The following TDRP variants were observed in gnomAD, a reference collection of about 807,000 sequenced individuals.
TDRP encodes the protein testis development related protein.
TDRP carries 12 observed loss-of-function variants against 10.5 expected under a neutral mutation model. That is an observed-to-expected ratio of 1.15 (90% CI 0.73 to 1.86). TDRP has a LOEUF of 1.86. Ranked by LOEUF, TDRP falls within the 40% of genes most tolerant of loss-of-function variation. TDRP has a pLI of 0.00. For missense variants in TDRP, 353 were observed against 229.2 expected (o/e 1.54, Z -3.49); for synonymous variants, 139 against 95.4 (o/e 1.46, Z -2.67).
At chr8:501,617 G>T (rs1366220288) in intron 1 of TDRP, among the ~76,000 whole-genome samples, 1 of 152,192 alleles carries the variant, frequency 6.6e-6, no homozygotes, top group African/African-American at 2.4e-5. Context: ...AAAGTGCTGG[G>T]ATTACAGGCG....
intron 1 of TDRP, among the ~76,000 whole-genome samples, chr8:520,556 T>C (rs74647280): frequency 0.022 from 3,313 of 152,310 alleles, 64 homozygotes; most frequent in Middle Eastern, 0.044. Context: ...TGTTACAAGA[T>C]TGCCAACAGT....
At chr8:498,321 G>A (rs544839090) in intron 1 of TDRP, among the ~76,000 whole-genome samples, 1 of 152,184 alleles carries the variant, frequency 6.6e-6, no homozygotes, top group Non-Finnish European at 1.5e-5. Context: ...CCCACCCCTT[G>A]CATCAGCATG....
intron 1 of TDRP, among the ~76,000 whole-genome samples, chr8:513,671 G>T (rs531802430): frequency 2.6e-5 from 4 of 152,136 alleles, no homozygotes; most frequent in African/African-American, 9.7e-5. Flanking sequence ...GACAAGAAAA[G>T]TAAAATGCAT....
intron 1 of TDRP, among the ~76,000 whole-genome samples, chr8:506,507 G>C (rs75914311): frequency 1.8e-3 from 277 of 152,292 alleles, no homozygotes; most frequent in African/African-American, 6.5e-3. Flanking sequence ...GGACTCCCTT[G>C]TTCCAGCCCC....
At chr8:494,430 C>A in intron 2 of TDRP, 64 bp downstream of exon 2, 1 of 1,512,558 alleles carries the variant, frequency 6.6e-7, no homozygotes, top group Non-Finnish European at 9.1e-7. Flanking sequence ...ATCTTCATTT[C>A]CACCTCCTCA....
Position 492,372 on chromosome 8 carries a change from CG to C in TDRP, c.*26del. The stretch of plus-strand genomic sequence containing the variant: ...GTATACTCATAAAAGGCCACCATGT[CG>C]GGGCACACTTGCCACGCAGCCCCCC... On this transcript the variant is annotated 3_prime_UTR_variant, in exon 3 of 3. Transcript: ENST00000324079. The C allele has an allele frequency of 6.8e-7, 1 of 1,474,546 alleles. No homozygotes were observed. The highest frequency in any genetic ancestry group is 9.0e-7 in the Non-Finnish European group (1 of 1,110,816). The allele number at this position is 1,474,546 out of a possible 1,614,324, so 91.3% of individuals were successfully genotyped here.
At chr8:536,395 G>T (rs1563132994) in intron 1 of TDRP, among the ~76,000 whole-genome samples, 1 of 152,194 alleles carries the variant, frequency 6.6e-6, no homozygotes, top group Non-Finnish European at 1.5e-5. Context: ...TAGTCAAACT[G>T]AGTTTTTAAT....
chr8:492,193 G>A lies in TDRP; in HGVS notation c.*206C>T. The A allele has an allele frequency of 7.9e-7, 1 of 1,263,778 alleles. No individual in the cohort carries two copies. The highest frequency in any genetic ancestry group is 9.9e-7 in the Non-Finnish European group (1 of 1,007,788). 78.3% of individuals were successfully genotyped at this position (1,263,778 alleles called of 1,614,324 possible). A position where few individuals can be genotyped will look rare whatever the true frequency, so the allele number is the denominator to read the frequency against. On this transcript the variant is annotated 3_prime_UTR_variant, in exon 3 of 3. Transcript: ENST00000324079. ...GATAGGTGAATATTTCTGCAATAAGGCAATCAAATGTACAATCCCTGCACG... is the reference window on the plus strand; with the variant it reads ...GATAGGTGAATATTTCTGCAATAAGACAATCAAATGTACAATCCCTGCACG...
intron 1 of TDRP, among the ~76,000 whole-genome samples, chr8:543,685 G>T (rs940278606): frequency 1.3e-5 from 2 of 151,908 alleles, no homozygotes; most frequent in Admixed American, 6.6e-5. Flanking sequence ...GGAATTTAAC[G>T]TTCATAGAAA....
intron 1 of TDRP, among the ~76,000 whole-genome samples, chr8:507,373 G>T (rs983565468): frequency 1.3e-5 from 2 of 152,170 alleles, no homozygotes; most frequent in Non-Finnish European, 2.9e-5. Flanking sequence ...ACAGCTGGAA[G>T]GATCCTTCTT....
At chr8:514,847 A>G (rs567200390) in intron 1 of TDRP, among the ~76,000 whole-genome samples, 1 of 152,138 alleles carries the variant, frequency 6.6e-6, no homozygotes, top group Non-Finnish European at 1.5e-5. Context: ...TGGTCCTCCA[A>G]GGAATGGCAC....
chr8:539,989 T>C (rs1802450380), intron 1 of TDRP, among the ~76,000 whole-genome samples: 1 of 152,212 alleles, frequency 6.6e-6, no homozygotes, highest in African/African-American at 2.4e-5. Flanking sequence ...ATGTCAAAAA[T>C]TCTGAGTTTT....
intron 1 of TDRP, among the ~76,000 whole-genome samples, chr8:498,295 C>T (rs10110988): frequency 0.16 from 24,949 of 152,196 alleles, 2,192 homozygotes; most frequent in East Asian, 0.26. Context: ...TGTGGAGATG[C>T]CCAATGCGTT....
chr8:514,611 GC>G (rs1257567208), intron 1 of TDRP, among the ~76,000 whole-genome samples: 2 of 152,096 alleles, frequency 1.3e-5, no homozygotes, highest in African/African-American at 4.8e-5. Flanking sequence ...GAACCATGTG[GC>G]CACAAAACCA....
At position 544,551 on chromosome 8, in the gene TDRP, C is replaced by T. The variant is rs570559588; in HGVS notation, c.108+99G>A. 27 of 831,390 alleles carry T rather than the reference C, an allele frequency of 3.2e-5. No individual in the cohort carries two copies. The East Asian group carries it at 6.2e-4, about 19-fold the overall frequency. 51.5% of individuals were successfully genotyped at this position (831,390 alleles called of 1,614,324 possible). A position where few individuals can be genotyped will look rare whatever the true frequency, so the allele number is the denominator to read the frequency against. On this transcript the variant is annotated intron_variant, in intron 1 of 2. Transcript: ENST00000324079. ...ACCTCACCTGCCCGCCCAAACTGTGCCCCCAACTACCCGCACCTCCACCTG... is the reference window on the plus strand; with the variant it reads ...ACCTCACCTGCCCGCCCAAACTGTGTCCCCAACTACCCGCACCTCCACCTG...
At chr8:520,200 G>A (rs1050648656) in intron 1 of TDRP, among the ~76,000 whole-genome samples, 7 of 152,170 alleles carry the variant, frequency 4.6e-5, no homozygotes, top group African/African-American at 1.2e-4. Context: ...GTAGAACCAC[G>A]CATTAGTTGT....
At chr8:521,221 T>C (rs1801892986) in intron 1 of TDRP, among the ~76,000 whole-genome samples, 1 of 116,406 alleles carries the variant, frequency 8.6e-6, no homozygotes, top group Non-Finnish European at 1.7e-5. Flanking sequence ...GCTAACACGG[T>C]CAAACCCCGT....
At position 509,715 on chromosome 8, in the gene TDRP, G is replaced by A. The variant is rs920816303; in HGVS notation, c.109-15118C>T. ...GAGACAATTTCCCTATTGTCTTGAT[G>A]ATTAACATTTGGCTCCTTGCTACTT... is the stretch of plus-strand genomic sequence containing the variant. On this transcript the variant is annotated intron_variant, in intron 1 of 2. Coordinates refer to ENST00000324079, the MANE Select transcript of TDRP (RefSeq NM_001384899.1). 5.3e-5 allele frequency among the ~76,000 whole-genome samples: 8 copies of A among 152,180 alleles called. 1 individual carries two copies. The highest frequency in any genetic ancestry group is 1.2e-4 in the Non-Finnish European group (8 of 68,044).
chr8:509,200 G>A (rs1362274626), intron 1 of TDRP, among the ~76,000 whole-genome samples: 1 of 152,196 alleles, frequency 6.6e-6, no homozygotes, highest in East Asian at 1.9e-4. Flanking sequence ...GGTGCAAACT[G>A]TCGGTGGATC....
Sources: allele counts gnomAD v4.1 joint callset (sites outside exome capture counted in the v4.1 genomes callset), GRCh38; gene constraint gnomAD v4.1.1; transcripts MANE v1.5; gene names NCBI Gene and HGNC (gene_info 2026-07-23, HGNC 2026-07-21).